Variants in CHODL observed in about 807,000 individuals in gnomAD.
CHODL encodes transmembrane protein MT75.
CHODL carries 29 observed loss-of-function variants against 34.5 expected under a neutral mutation model. The ratio of observed to expected loss-of-function variants is 0.84; its 90% CI spans 0.63 to 1.15. CHODL has a LOEUF of 1.15. CHODL is among the 50% of genes most tolerant of loss of function. The pLI is 0.00. For missense variants in CHODL, 332 were observed against 332.5 expected, an observed-to-expected ratio of 1.00 and a Z score of 0.01; for synonymous variants, 125 against 116.1, an observed-to-expected ratio of 1.08 and a Z score of -0.49.
At chr21:18,185,083 T>C (rs1463486042) in intron 2 of CHODL, among the ~76,000 whole-genome samples, 1 of 152,160 alleles carries the variant, frequency 6.6e-6, no homozygotes, top group Non-Finnish European at 1.5e-5. Context: ...TGCAGGTTTG[T>C]TACATAGGTA....
chr21:18,190,429 C>T (rs1023335867), intron 2 of CHODL, among the ~76,000 whole-genome samples: 1 of 151,984 alleles, frequency 6.6e-6, no homozygotes, highest in African/African-American at 2.4e-5. Context: ...GGCTTCTGCA[C>T]AATTAAAAAA....
chr21:17,983,200 A>G (rs879823616), intron 1 of CHODL, among the ~76,000 whole-genome samples: 4 of 152,212 alleles, frequency 2.6e-5, no homozygotes, highest in Non-Finnish European at 5.9e-5. Flanking sequence ...TTCCATGCCT[A>G]TAGCCATAAA....
At chr21:17,956,404 A>G (rs1453103303) in intron 1 of CHODL, among the ~76,000 whole-genome samples, 1 of 136,784 alleles carries the variant, frequency 7.3e-6, no homozygotes, top group African/African-American at 2.5e-5. Flanking sequence ...CACAGCCTCC[A>G]GAACTGTGAG....
At chr21:18,244,474 T>C (rs1340951522), upstream of CHODL, among the ~76,000 whole-genome samples, 2 of 152,200 alleles carry the variant, frequency 1.3e-5, no homozygotes, top group African/African-American at 4.8e-5. Flanking sequence ...TAGCAATACA[T>C]ATGATTAAGC....
At chr21:18,128,375 A>C (rs2072608081) in intron 2 of CHODL, among the ~76,000 whole-genome samples, 1 of 150,326 alleles carries the variant, frequency 6.7e-6, no homozygotes, top group African/African-American at 2.4e-5. Flanking sequence ...ACAAACTACA[A>C]ATAGAATAAA....
intron 2 of CHODL, among the ~76,000 whole-genome samples, chr21:18,093,801 C>CAGGA (rs998175171): frequency 1.1e-3 from 169 of 151,800 alleles, no homozygotes; most frequent in African/African-American, 3.9e-3. Context: ...CACTAAAAGA[C>CAGGA]AGGAAGGAAG....
At chr21:18,140,162 G>A (rs545187183) in intron 2 of CHODL, among the ~76,000 whole-genome samples, 2 of 152,248 alleles carry the variant, frequency 1.3e-5, no homozygotes, top group East Asian at 1.9e-4. Flanking sequence ...CCTGAGCTGC[G>A]AATAAATGGA....
At chr21:17,918,447 G>A (rs953930046) in intron 1 of CHODL, among the ~76,000 whole-genome samples, 1 of 152,186 alleles carries the variant, frequency 6.6e-6, no homozygotes, top group African/African-American at 2.4e-5. Context: ...GAAGGAGCAA[G>A]TCATGTCTTA....
intron 1 of CHODL, among the ~76,000 whole-genome samples, chr21:17,963,685 C>G (rs960903041): frequency 1.3e-5 from 2 of 152,134 alleles, no homozygotes; most frequent in Non-Finnish European, 1.5e-5. Flanking sequence ...GGGGATGTAG[C>G]CAAACCATAT....
intron 2 of CHODL, among the ~76,000 whole-genome samples, chr21:18,141,546 T>G (rs1043943939): frequency 7.2e-5 from 11 of 151,760 alleles, no homozygotes; most frequent in Non-Finnish European, 1.0e-4. Context: ...TAAAGGAGGA[T>G]GATGAAATTT....
At chr21:18,089,670 A>G (rs377058536) in intron 2 of CHODL, among the ~76,000 whole-genome samples, 8 of 152,206 alleles carry the variant, frequency 5.3e-5, no homozygotes, top group African/African-American at 1.9e-4. Flanking sequence ...CTTCAAGACT[A>G]CAGATTGAGC....
At chr21:18,112,794 C>A (rs981355629) in intron 2 of CHODL, among the ~76,000 whole-genome samples, 1 of 152,148 alleles carries the variant, frequency 6.6e-6, no homozygotes, top group South Asian at 2.1e-4. Context: ...AAGTCTAAGA[C>A]CTCAAAGTAT....
chr21:17,964,633 G>C (rs547512074), intron 1 of CHODL, among the ~76,000 whole-genome samples: 8 of 152,286 alleles, frequency 5.3e-5, no homozygotes, highest in African/African-American at 1.9e-4. Context: ...ACAGGTTAAG[G>C]ATTATTTCCC....
chr21:18,045,911 A>C (rs2064437265), intron 2 of CHODL, among the ~76,000 whole-genome samples: 1 of 151,900 alleles, frequency 6.6e-6, no homozygotes, highest in East Asian at 2.0e-4. Context: ...CCATCACCAG[A>C]CACTGAACCT....
chr21:18,068,493 C>T (rs771946751), intron 2 of CHODL, among the ~76,000 whole-genome samples: 40 of 152,082 alleles, frequency 2.6e-4, no homozygotes, highest in Admixed American at 2.4e-3. Flanking sequence ...CACTGTGCCC[C>T]GCCAAGAGTA....
At chr21:18,136,719 C>CATAT (rs147280660) in intron 2 of CHODL, among the ~76,000 whole-genome samples, 5,365 of 118,416 alleles carry the variant, frequency 0.045, 169 homozygotes, top group Non-Finnish European at 0.067. Flanking sequence ...TAAATCAAAG[C>CATAT]ATATATATAT....
intron 2 of CHODL, among the ~76,000 whole-genome samples, chr21:18,088,337 C>T (rs772432720): frequency 1.3e-4 from 20 of 152,090 alleles, no homozygotes; most frequent in Non-Finnish European, 2.2e-4. Flanking sequence ...CACTCTCCCT[C>T]GTTGGAGCAG....
At chr21:18,157,429 G>A (rs1262776939) in intron 2 of CHODL, among the ~76,000 whole-genome samples, 1 of 152,188 alleles carries the variant, frequency 6.6e-6, no homozygotes, top group African/African-American at 2.4e-5. Flanking sequence ...AAGAACAAAT[G>A]TTAAATTGAA....
At chr21:18,256,856 G>A (rs1347916429) in intron 2 of CHODL, 38 bp downstream of exon 2, 2 of 1,592,976 alleles carry the variant, frequency 1.3e-6, no homozygotes, top group East Asian at 2.2e-5. Flanking sequence ...GGTGCTCTGG[G>A]GAACTCCAAA....
Sources: allele counts gnomAD v4.1 joint callset (sites outside exome capture counted in the v4.1 genomes callset), GRCh38; gene constraint gnomAD v4.1.1; transcripts MANE v1.5; gene names NCBI Gene and HGNC (gene_info 2026-07-23, HGNC 2026-07-21).